The following ABCB1 variants were observed in gnomAD, a reference collection of about 807,000 sequenced individuals.
ABCB1 encodes the protein ATP binding cassette subfamily B member 1, also known as ATP-dependent translocase ABCB1.
Under a neutral mutation model 142.0 loss-of-function variants are expected in ABCB1, and 69 were observed. The observed-to-expected ratio is 0.49, with a 90% CI of 0.40 to 0.59. The LOEUF is 0.59. ABCB1 is among the 20% of genes least tolerant of loss of function. The pLI is 0.00. For missense variants in ABCB1, 1,326 were observed against 1,554.7 expected (o/e 0.85, Z 2.47); for synonymous variants, 532 against 539.2 (o/e 0.99, Z 0.18).
At chr7:87,706,286 G>GA (rs1829578327) in intron 1 of ABCB1, among the ~76,000 whole-genome samples, 1 of 149,286 alleles carries the variant, frequency 6.7e-6, no homozygotes, top group African/African-American at 2.5e-5. Flanking sequence ...CTACTTGAGA[G>GA]TTTTTTTTTT....
intron 13 of ABCB1, 120 bp downstream of exon 13, chr7:87,549,731 T>C: frequency 7.2e-7 from 1 of 1,383,720 alleles, no homozygotes; most frequent in Non-Finnish European, 1.0e-6. Context: ...GAAGTAATCT[T>C]ACTTTCCCTT....
chr7:87,544,377 T>A lies in ABCB1; in HGVS notation c.2065-102A>T, dbSNP rs1321652866. ...GTAAAGGAATATATCCTATCCTTAT[T>A]CCTTATCAATGAATAAGTGATGACA... On this transcript the variant is annotated intron_variant, in intron 16 of 27. Transcript: ENST00000622132. 5 of 1,146,570 alleles carry A rather than the reference T, an allele frequency of 4.4e-6. No individual in the cohort carries two copies. The African/African-American group carries it at 7.7e-5, about 18-fold the overall frequency. 71.0% of individuals were successfully genotyped at this position (1,146,570 alleles called of 1,614,324 possible).
At chr7:87,504,546 C>G in intron 27 of ABCB1, 97 bp from the exon 28 acceptor site, 5 of 1,509,368 alleles carry the variant, frequency 3.3e-6, no homozygotes, top group Non-Finnish European at 4.5e-6. Flanking sequence ...TGGTGGCTCA[C>G]GCCTGTAATC....
chr7:87,635,556 A>T (rs1439973186), intron 1 of ABCB1, among the ~76,000 whole-genome samples: 1 of 152,198 alleles, frequency 6.6e-6, no homozygotes, highest in Non-Finnish European at 1.5e-5. Context: ...GATATGTAGG[A>T]CATTGTGATA....
In ABCB1 at chr7:87,699,564, C is replaced by T. The variant is rs567870090; in HGVS notation, c.-331+13597G>A. On this transcript the variant is annotated intron_variant, in intron 1 of 28. Coordinates refer to the ABCB1 transcript ENST00000265724. The stretch of plus-strand genomic sequence containing the variant: ...GGGATTATGGGCATACACCACCATG[C>T]CCAGCTAGTTTTTGTATTTTTAGTA... 5.9e-5 allele frequency among the ~76,000 whole-genome samples: 9 copies of T among 152,274 alleles called. No homozygotes were observed. In the East Asian group the frequency reaches 1.5e-3, roughly 26 times the overall value.
At chr7:87,541,283 GAT>G in intron 18 of ABCB1, 72 bp downstream of exon 18, 1 of 1,027,888 alleles carries the variant, frequency 9.7e-7, no homozygotes, top group African/African-American at 1.6e-5. Context: ...CAATTACACT[GAT>G]GTTTATAAAT....
chr7:87,556,559 T>C (rs1817319640), intron 8 of ABCB1, among the ~76,000 whole-genome samples: 1 of 152,062 alleles, frequency 6.6e-6, no homozygotes, highest in African/African-American at 2.4e-5. Context: ...CTAAGAATAG[T>C]CATCAATTCT....
At chr7:87,712,614 C>G (rs1258690279) in intron 1 of ABCB1, among the ~76,000 whole-genome samples, 1 of 151,892 alleles carries the variant, frequency 6.6e-6, no homozygotes, top group East Asian at 1.9e-4. Context: ...AGAAATAATT[C>G]TTCAATAGAT....
Position 87,655,272 on chromosome 7 carries a change from A to G in ABCB1, c.-330-54194T>C, listed in dbSNP as rs961466600. Among the ~76,000 whole-genome samples, 3 of 152,148 alleles carry G rather than the reference A, an allele frequency of 2.0e-5. No individual in the cohort carries two copies. The East Asian group carries it at 5.8e-4, about 29-fold the overall frequency. The stretch of plus-strand genomic sequence containing the variant: ...GTCTCGAAGAGTTATCTCTACTCCC[A>G]TGTTCATTGCAGGATTATTCACACT... On this transcript the variant is annotated intron_variant, in intron 1 of 28. Coordinates refer to the ABCB1 transcript ENST00000265724.
At chr7:87,550,868 T>C in intron 9 of ABCB1, 30 bp from the exon 10 acceptor site, 1 of 1,427,044 alleles carries the variant, frequency 7.0e-7, no homozygotes, top group Non-Finnish European at 9.9e-7. Flanking sequence ...ACCATCAGGC[T>C]ACTGAGATAG....
intron 13 of ABCB1, 143 bp from the exon 14 acceptor site, chr7:87,549,661 C>G (rs1816959130): frequency 7.0e-7 from 1 of 1,419,726 alleles, no homozygotes; most frequent in Admixed American, 1.9e-5. Flanking sequence ...ACACAATAAC[C>G]AACCTCAGTT....
intron 1 of ABCB1, chr7:87,710,418 A>G: frequency 1.8e-6 from 1 of 554,356 alleles, no homozygotes; most frequent in South Asian, 2.5e-5. Flanking sequence ...ATCAAAATTT[A>G]CCTATTTTTA....
chr7:87,708,654 C>T (rs980778112), intron 1 of ABCB1, among the ~76,000 whole-genome samples: 1 of 151,482 alleles, frequency 6.6e-6, no homozygotes, highest in African/African-American at 2.4e-5. Flanking sequence ...TTTTTTTAAA[C>T]TCTCTTAAAT....
At chr7:87,686,812 G>A (rs377169748) in intron 1 of ABCB1, among the ~76,000 whole-genome samples, 57 of 151,676 alleles carry the variant, frequency 3.8e-4, no homozygotes, top group African/African-American at 1.3e-3. Flanking sequence ...GAGCATGTAG[G>A]TGTGCATCTG....
intron 16 of ABCB1, 129 bp downstream of exon 16, chr7:87,544,694 A>G (rs1317113079): frequency 1.1e-6 from 1 of 882,996 alleles, no homozygotes; most frequent in Non-Finnish European, 1.8e-6. Context: ...AAATGTTGAC[A>G]TTCTGGGGGA....
chr7:87,626,094 A>G (rs1030924238), intron 1 of ABCB1, among the ~76,000 whole-genome samples: 4 of 125,572 alleles, frequency 3.2e-5, no homozygotes, highest in Non-Finnish European at 6.7e-5. Flanking sequence ...ATATATATAT[A>G]TATATTGTCA....
At chr7:87,562,871 G>A (rs1020381021) in intron 7 of ABCB1, among the ~76,000 whole-genome samples, 1 of 151,982 alleles carries the variant, frequency 6.6e-6, no homozygotes, top group Non-Finnish European at 1.5e-5. Context: ...GTGACAAGTG[G>A]GAGAATCACT....
chr7:87,685,867 G>C (rs1206170346), intron 1 of ABCB1, among the ~76,000 whole-genome samples: 1 of 152,038 alleles, frequency 6.6e-6, no homozygotes, highest in African/African-American at 2.4e-5. Flanking sequence ...TTTTAAAATG[G>C]GGAGGATCCC....
Position 87,550,585 on chromosome 7 carries a change from A to G in ABCB1, c.1114-7T>C, listed in dbSNP as rs745886322. 6.2e-7 allele frequency: 1 copy of G among 1,611,588 alleles called. No homozygotes were observed. The highest frequency in any genetic ancestry group is 8.5e-7 in the Non-Finnish European group (1 of 1,178,446). Reference sequence around the variant, plus strand: ...AGCTGTCAATACTTGGCTTCTAAACAGAATCAAATTTTAAGAGATTACTAG... The same window carrying G: ...AGCTGTCAATACTTGGCTTCTAAACGGAATCAAATTTTAAGAGATTACTAG... On this transcript the variant is annotated splice_polypyrimidine_tract_variant and splice_region_variant and intron_variant, in intron 10 of 27. Coordinates refer to ENST00000622132, the MANE Select transcript of ABCB1 (RefSeq NM_001348946.2).
Sources: gnomAD v4.1 joint callset for allele counts (sites outside exome capture counted in the v4.1 genomes callset) on GRCh38, gnomAD v4.1.1 for gene constraint, MANE v1.5 for transcripts, NCBI Gene and HGNC (gene_info 2026-07-23, HGNC 2026-07-21) for gene names.